The following CASP9 variants were observed in gnomAD, a reference collection of about 807,000 sequenced individuals.
The protein encoded by CASP9 is caspase-9.
Under a neutral mutation model 43.5 loss-of-function variants are expected in CASP9, and 29 were observed. The observed-to-expected ratio is 0.67, with a 90% confidence interval of 0.50 to 0.91. The LOEUF (loss-of-function observed/expected upper bound fraction) is 0.91. Among genes scored for constraint, CASP9 ranks in the 40% least tolerant of loss-of-function variants. The pLI, the probability that CASP9 is intolerant of heterozygous loss-of-function variation, is 0.00. For synonymous variants in CASP9, 206 were observed against 211.9 expected, an observed-to-expected ratio of 0.97 and a Z score of 0.24; for missense variants, 575 against 537.4, an observed-to-expected ratio of 1.07 and a Z score of -0.69.
chr1:15,494,086 C>T (rs892046162), intron 7 of CASP9, 85 bp from the exon 8 acceptor site: 20 of 1,510,344 alleles, frequency 1.3e-5, no homozygotes, highest in Non-Finnish European at 6.2e-6. Context: ...CACGCTGGCT[C>T]GGGCGCCCTC....
At chr1:15,494,490 G>A (rs1057201831) in intron 7 of CASP9, among the ~76,000 whole-genome samples, 34 of 151,580 alleles carry the variant, frequency 2.2e-4, no homozygotes, top group African/African-American at 7.3e-4. Flanking sequence ...ACTTCAACCC[G>A]GGAGGTGGAG....
intron 6 of CASP9, among the ~76,000 whole-genome samples, chr1:15,497,381 A>G (rs1203736084): frequency 6.6e-6 from 1 of 151,924 alleles, no homozygotes; most frequent in Non-Finnish European, 1.5e-5. Context: ...ACAGTGGCTC[A>G]CGCCTGTAAT....
chr1:15,504,680 A>G lies in CASP9; in HGVS notation c.799T>C (p.Phe267Leu). ...AGGCTGGGGCAGCTGGTCCCATTGA[A>G]GATGTTCACAATCTTCTCGACCGAC... ...PVSVEKIVNI[F>L]NGTSCPSLGG... The change falls in exon 6 of 9, where the codon TTC (phenylalanine) becomes CTC (leucine). Residue 267 changes from phenylalanine (F) to leucine (L), a missense_variant. Physicochemically the swap from Phe to Leu is conservative, Grantham distance 22. Transcript: ENST00000333868. The G allele has an allele frequency of 6.2e-7, 1 of 1,614,186 alleles. No homozygotes were observed. The highest frequency in any genetic ancestry group is 8.5e-7 in the Non-Finnish European group (1 of 1,180,024).
chr1:15,497,824 G>C (rs750183732), intron 6 of CASP9, among the ~76,000 whole-genome samples: 1 of 152,044 alleles, frequency 6.6e-6, no homozygotes, highest in Non-Finnish European at 1.5e-5. Context: ...AGAATCTCAA[G>C]GGACCCCAAA....
intron 8 of CASP9, chr1:15,493,397 G>A: frequency 8.1e-7 from 1 of 1,227,652 alleles, no homozygotes. Flanking sequence ...GGAAGCAACT[G>A]CTCTGAGTCG....
intron 2 of CASP9, among the ~76,000 whole-genome samples, chr1:15,512,415 A>G (rs1709788784): frequency 6.6e-6 from 1 of 152,220 alleles, no homozygotes; most frequent in Admixed American, 6.5e-5. Flanking sequence ...GGGCCTGAAT[A>G]GAACGAAACA....
chr1:15,509,362 C>T (rs1407506871), intron 2 of CASP9, among the ~76,000 whole-genome samples: 2 of 151,212 alleles, frequency 1.3e-5, no homozygotes, highest in South Asian at 2.1e-4. Flanking sequence ...CGGTGGCTCA[C>T]GCCTATAATC....
chr1:15,500,178 A>T (rs1434795306), intron 6 of CASP9, among the ~76,000 whole-genome samples: 3 of 152,150 alleles, frequency 2.0e-5, no homozygotes, highest in Non-Finnish European at 4.4e-5. Flanking sequence ...AAAAAGAGAA[A>T]TTTTTTTAAA....
At chr1:15,512,086 C>A (rs1709775760) in intron 2 of CASP9, among the ~76,000 whole-genome samples, 1 of 152,146 alleles carries the variant, frequency 6.6e-6, no homozygotes, top group Non-Finnish European at 1.5e-5. Context: ...GGCTCAGAGA[C>A]CCTGAGTTGT....
intron 8 of CASP9, 88 bp downstream of exon 8, chr1:15,493,803 GC>G: frequency 6.5e-7 from 1 of 1,530,328 alleles, no homozygotes. Flanking sequence ...GTTTGGGCCT[GC>G]CCTGCTCACC....
At position 15,503,001 on chromosome 1, in the gene CASP9, T is replaced by C. The variant is rs1182059508; in HGVS notation, c.868+1610A>G. 2.0e-5 allele frequency among the ~76,000 whole-genome samples: 3 copies of C among 151,944 alleles called. No individual in the cohort carries two copies. The East Asian group carries it at 5.8e-4, about 30-fold the overall frequency. ...GGGGTGGGGGACTCTTATGTGACAC[T>C]GGGTCCTCCGGGGTGGGAGCGGGGG... On this transcript the variant is annotated intron_variant, in intron 6 of 8. Coordinates refer to ENST00000333868, the MANE Select transcript of CASP9 (RefSeq NM_001229.5).
At chr1:15,501,416 T>C (rs1709324027) in intron 6 of CASP9, among the ~76,000 whole-genome samples, 1 of 151,818 alleles carries the variant, frequency 6.6e-6, no homozygotes, top group Admixed American at 6.6e-5. Flanking sequence ...AAATTAATTA[T>C]TAAATGATTT....
At chr1:15,495,602 T>C in intron 6 of CASP9, 150 bp from the exon 7 acceptor site, 1 of 676,316 alleles carries the variant, frequency 1.5e-6, no homozygotes, top group South Asian at 3.0e-5. Flanking sequence ...AACGGAAAAG[T>C]CAAGCTGGGA....
intron 6 of CASP9, among the ~76,000 whole-genome samples, chr1:15,503,234 T>C (rs886120187): frequency 2.0e-5 from 3 of 150,084 alleles, no homozygotes; most frequent in Admixed American, 6.6e-5. Context: ...AAAAAAAAAA[T>C]AGAAAAATTA....
intron 6 of CASP9, among the ~76,000 whole-genome samples, chr1:15,496,907 C>T (rs1570828336): frequency 6.6e-6 from 1 of 151,916 alleles, no homozygotes; most frequent in Non-Finnish European, 1.5e-5. Context: ...CCCAGCTACT[C>T]GTGAGGCTGA....
intron 2 of CASP9, among the ~76,000 whole-genome samples, chr1:15,516,759 G>A (rs1413280674): frequency 6.6e-6 from 1 of 152,216 alleles, no homozygotes; most frequent in Non-Finnish European, 1.5e-5. Context: ...GCACATGCAA[G>A]GCTAACTGCA....
At chr1:15,524,316 G>T (rs1454825411), upstream of CASP9, 2 of 1,384,060 alleles carry the variant, frequency 1.4e-6, no homozygotes, top group African/African-American at 2.0e-5. Context: ...TCACGGCCCC[G>T]GGTCAGTCTT....
intron 6 of CASP9, among the ~76,000 whole-genome samples, chr1:15,496,666 T>C (rs905878219): frequency 6.6e-6 from 1 of 152,026 alleles, no homozygotes; most frequent in African/African-American, 2.4e-5. Flanking sequence ...GCATCAAAAA[T>C]AATAAAATAG....
intron 6 of CASP9, among the ~76,000 whole-genome samples, chr1:15,497,572 G>A (rs1479476316): frequency 6.6e-6 from 1 of 151,564 alleles, no homozygotes; most frequent in East Asian, 1.9e-4. Flanking sequence ...GAACCAGGGA[G>A]TCAGAGGTTG....
Sources: allele counts gnomAD v4.1 joint callset (sites outside exome capture counted in the v4.1 genomes callset), GRCh38; gene constraint gnomAD v4.1.1; transcripts MANE v1.5; gene names NCBI Gene and HGNC (gene_info 2026-07-23, HGNC 2026-07-21).